The following MACF1 variants were observed in gnomAD, a reference collection of about 807,000 sequenced individuals.
MACF1 encodes microtubule-actin cross-linking factor 1.
In MACF1, 193 loss-of-function variants were observed where a neutral mutation model predicts 854.8. The ratio of observed to expected loss-of-function variants is 0.23; its 90% CI spans 0.20 to 0.25. MACF1 has a LOEUF of 0.25. Among genes scored for constraint, MACF1 ranks in the 10% least tolerant of loss-of-function variants. MACF1 has a pLI of 1.00. For missense variants in MACF1, 7,722 were observed against 8,929.1 expected (o/e 0.86, Z 5.45); for synonymous variants, 3,185 against 3,226.7 (o/e 0.99, Z 0.44).
In MACF1 at chr1:39,387,863, A is replaced by G; in HGVS notation, c.15021A>G (p.Glu5007=). ...ELQAKTGSLE[E]MTQRLREFQE... ...AGGCCAAAACAGGGTCACTCGAAGA[A>G]ATGACTCAGAGGCTCAGGGAGTTCC... The change falls in exon 58 of 101, where the codon GAA becomes GAG. Residue 5007 remains glutamate, a synonymous_variant. Transcript: ENST00000564288. The G allele has an allele frequency of 1.9e-6, 3 of 1,614,082 alleles. No individual in the cohort carries two copies. Among genetic ancestry groups the G allele is most frequent in the Non-Finnish European group, 2.5e-6 (3 of 1,180,016 alleles).
chr1:39,340,060 C>G (rs1349529737), intron 38 of MACF1, among the ~76,000 whole-genome samples: 1 of 152,124 alleles, frequency 6.6e-6, no homozygotes, highest in Non-Finnish European at 1.5e-5. Flanking sequence ...TTCCATGACC[C>G]TGGAATTTAG....
At chr1:39,482,662 G>A (rs1159705384) in intron 99 of MACF1, among the ~76,000 whole-genome samples, 1 of 152,006 alleles carries the variant, frequency 6.6e-6, no homozygotes, top group African/African-American at 2.4e-5. Context: ...GGGTGTGGTG[G>A]CAGGCGCCTG....
chr1:39,477,286 G>A (rs1199729693), intron 97 of MACF1, among the ~76,000 whole-genome samples: 2 of 151,700 alleles, frequency 1.3e-5, no homozygotes, highest in Non-Finnish European at 2.9e-5. Flanking sequence ...GTGCAGTGGT[G>A]TGATGACAGC....
In MACF1 at chr1:39,433,048, G is replaced by A; in HGVS notation, c.17458G>A (p.Ala5820Thr). ...QTTAQLQVQK[A>T]FSIDIIRHKD... is the part of the protein sequence containing the mutation. Reference sequence around the variant, plus strand: ...CTTAACTACAGTTTACTTTTCAAAGGCTTTCTCCATTGACATTATTCGACA... The same window carrying A: ...CTTAACTACAGTTTACTTTTCAAAGACTTTCTCCATTGACATTATTCGACA... Residue 5820 changes from alanine to threonine, a missense_variant and splice_region_variant, in exon 68 of 101, where the codon GCT (alanine) becomes ACT (threonine). By Grantham distance (58) the Ala-to-Thr change is moderately conservative (BLOSUM62 0). Around this residue, in one of 15 missense-constraint regions of MACF1, gnomAD observed 2,807 missense variants for 3,235.8 expected, o/e 0.87. Coordinates refer to ENST00000564288, the MANE Select transcript of MACF1 (RefSeq NM_001394062.1). The A allele has an allele frequency of 6.3e-7, 1 of 1,594,210 alleles. No homozygotes were observed. Among genetic ancestry groups the A allele is most frequent in the Non-Finnish European group, 8.6e-7 (1 of 1,164,832 alleles).
chr1:39,469,531 G>T lies in MACF1; in HGVS notation c.21890-16G>T. 1 of 1,539,408 alleles carries T rather than the reference G, an allele frequency of 6.5e-7. No homozygotes were observed. The highest frequency in any genetic ancestry group is 8.8e-7 in the Non-Finnish European group (1 of 1,136,938). On this transcript the variant is annotated splice_polypyrimidine_tract_variant and intron_variant, in intron 96 of 100. Transcript: ENST00000564288. ...GCCCTGTCTGTTTCTTTCTGTTTACGTATTTTTTATTCTAGTTCACCATCC... is the reference window on the plus strand; with the variant it reads ...GCCCTGTCTGTTTCTTTCTGTTTACTTATTTTTTATTCTAGTTCACCATCC...
chr1:39,229,277 G>A (rs961239846), intron 1 of MACF1, among the ~76,000 whole-genome samples: 3 of 152,136 alleles, frequency 2.0e-5, no homozygotes, highest in African/African-American at 7.2e-5. Flanking sequence ...AGCAAGAAAG[G>A]ATTCAAGGCC....
In MACF1 at chr1:39,335,901, A is replaced by G. The variant is rs776655392; in HGVS notation, c.9313A>G (p.Met3105Val). The change falls in exon 37 of 101, where the codon ATG becomes GTG. Residue 3105 changes from methionine (M) to valine (V), a missense_variant. This residue lies in a region of MACF1 where 854 missense variants were observed against 852.6 expected (regional missense o/e 1.00). Coordinates refer to ENST00000564288, the MANE Select transcript of MACF1 (RefSeq NM_001394062.1). ...GGCCCAGAGTGAACCATTCCCTTGTATGACCCCAAGACCTGAAGGATTGCA... is the reference window on the plus strand; with the variant it reads ...GGCCCAGAGTGAACCATTCCCTTGTGTGACCCCAAGACCTGAAGGATTGCA... ...CGAQSEPFPC[M>V]TPRPEGLHYQ... is the part of the protein sequence containing the mutation. The G allele has an allele frequency of 2.5e-6, 4 of 1,614,152 alleles. No homozygotes were observed. Among genetic ancestry groups the G allele is most frequent in the South Asian group, 2.2e-5 (2 of 91,082 alleles).
rs1162679272 is a variant in MACF1, at chr1:39,442,693, ATGT to A, written c.19105-16_19105-14del. The A allele has an allele frequency of 1.2e-6, 2 of 1,613,112 alleles. No individual in the cohort carries two copies. Among genetic ancestry groups the A allele is most frequent in the Non-Finnish European group, 1.7e-6 (2 of 1,179,546 alleles). On this transcript the variant is annotated intron_variant, in intron 77 of 100. Transcript: ENST00000564288. ...TAGATGATATCCATAGAGATAAATT[ATGT>A]TGTTCAACATGTTTTAGGTCCTAAA...
chr1:39,319,618 A>G, intron 30 of MACF1, 46 bp from the exon 31 acceptor site: 1 of 1,279,048 alleles, frequency 7.8e-7, no homozygotes, highest in South Asian at 1.2e-5. Context: ...CAGCTCTTTC[A>G]ATGGTGGTAA....
chr1:39,360,700 T>A (rs1265928197), intron 47 of MACF1, 93 bp from the exon 48 acceptor site: 1 of 320,212 alleles, frequency 3.1e-6, no homozygotes, highest in Non-Finnish European at 4.9e-6. Flanking sequence ...ATAATTTTTA[T>A]TATTTATTAT....
rs768107127 is a variant in MACF1 at position 39,317,449 on chromosome 1, G to C, written c.3782+42G>C. On this transcript the variant is annotated intron_variant, in intron 29 of 100. Coordinates refer to ENST00000564288, the MANE Select transcript of MACF1 (RefSeq NM_001394062.1). ...CCTTTTTCTCCTATTAGAGTTCAGG[G>C]ACTAGGTCTTAAACAAAAACAGAGT... The C allele has an allele frequency of 2.5e-6, 4 of 1,586,596 alleles. No individual in the cohort carries two copies. In the South Asian group the frequency reaches 3.4e-5, roughly 13 times the overall value.
At chr1:39,203,539 T>C (rs889294256), upstream of MACF1, among the ~76,000 whole-genome samples, 1 of 152,222 alleles carries the variant, frequency 6.6e-6, no homozygotes, top group African/African-American at 2.4e-5. Context: ...TATACAGTCA[T>C]GGAACCACCA....
At chr1:39,408,927 CCCCGCCCCCGCCGGG>C (rs1323074846) in intron 58 of MACF1, among the ~76,000 whole-genome samples, 2 of 151,574 alleles carry the variant, frequency 1.3e-5, no homozygotes, top group African/African-American at 4.9e-5. Context: ...CTCTCCCCGG[CCCCGCCCCCGCCGGG>C]CCCCGCCCCC....
At chr1:39,307,696 C>T (rs1474625827) in intron 23 of MACF1, among the ~76,000 whole-genome samples, 4 of 151,454 alleles carry the variant, frequency 2.6e-5, no homozygotes, top group African/African-American at 9.7e-5. Context: ...CCTCAGCCTC[C>T]CGAGTAGCTA....
chr1:39,424,594 C>T (rs542066876), intron 61 of MACF1, among the ~76,000 whole-genome samples: 28 of 152,216 alleles, frequency 1.8e-4, no homozygotes, highest in African/African-American at 6.5e-4. Context: ...TTTCTATTAG[C>T]TTATAGTAAT....
chr1:39,324,532 A>G, intron 34 of MACF1, 114 bp from the exon 35 acceptor site: 1 of 1,056,752 alleles, frequency 9.5e-7, no homozygotes, highest in South Asian at 1.7e-5. Context: ...ATTGGTGATA[A>G]TAATTTGACC....
chr1:39,377,160 G>A (rs552023020), intron 52 of MACF1, among the ~76,000 whole-genome samples: 1 of 152,020 alleles, frequency 6.6e-6, no homozygotes, highest in African/African-American at 2.4e-5. Context: ...ACAGGCGTCC[G>A]CTGCCACACC....
At chr1:39,134,364 A>G (rs541080329) in intron 2 of MACF1, among the ~76,000 whole-genome samples, 14 of 152,272 alleles carry the variant, frequency 9.2e-5, no homozygotes, top group South Asian at 6.2e-4. Context: ...AGTCTTAACA[A>G]GAATAAGTGG....
At position 39,379,307 on chromosome 1, in the gene MACF1, A is replaced by G; in HGVS notation, c.13381A>G (p.Arg4461Gly). The G allele has an allele frequency of 6.2e-7, 1 of 1,614,106 alleles. No homozygotes were observed. Among genetic ancestry groups the G allele is most frequent in the Non-Finnish European group, 8.5e-7 (1 of 1,180,004 alleles). The change falls in exon 54 of 101, where the codon AGA (arginine) becomes GGA (glycine). Residue 4461 changes from arginine to glycine, a missense_variant. Transcript: ENST00000564288. Reference protein sequence around the residue: ...RQESLQAILNRMEEVHKEANS... With the variant: ...RQESLQAILNGMEEVHKEANS... ...GGAAAGCCTTCAGGCTATCCTCAAC[A>G]GAATGGAGGAGGTTCACAAGGAGGC...
Sources: gnomAD v4.1 joint callset for allele counts (sites outside exome capture counted in the v4.1 genomes callset) on GRCh38, gnomAD v4.1.1 for gene constraint, gnomAD v4.1.1 regional missense constraint, MANE v1.5 for transcripts, NCBI Gene and HGNC (gene_info 2026-07-23, HGNC 2026-07-21) for gene names.